GBGT1: variants seen among roughly 807,000 people sequenced by gnomAD.
GBGT1 encodes the protein globoside alpha-1,3-N-acetylgalactosaminyltransferase 1 (FORS blood group).
In GBGT1, 18 loss-of-function variants were observed where a neutral mutation model predicts 20.9. The ratio of observed to expected loss-of-function variants is 0.86; its 90% CI spans 0.60 to 1.28. The LOEUF (loss-of-function observed/expected upper bound fraction) is 1.28, where lower values mean the gene tolerates loss of function less well. Ranked by LOEUF, GBGT1 falls within the 50% of genes most tolerant of loss-of-function variation. GBGT1 has a pLI of 0.00. For synonymous variants in GBGT1, 168 were observed against 180.8 expected (o/e 0.93, Z 0.57); for missense variants, 432 against 455.7 (o/e 0.95, Z 0.47).
rs1832777490 is a variant in GBGT1, at chr9:133,153,685, C to T, written c.936G>A (p.Lys312=). ...NRHFISNKPS[K]VLSPEYLWDD... is the part of the protein sequence containing the mutation. ...CCCAGAGGTACTCGGGGGACAGCAC[C>T]TTGGACGGCTTGTTTGAGATGAAGT... The change falls in exon 7 of 7, where the codon AAG becomes AAA. Residue 312 remains lysine (K), a synonymous_variant. Transcript: ENST00000372040. 2 of 1,613,816 alleles carry T rather than the reference C, an allele frequency of 1.2e-6. No individual in the cohort carries two copies. Among genetic ancestry groups the T allele is most frequent in the Non-Finnish European group, 1.7e-6 (2 of 1,179,896 alleles).
chr9:133,153,708 A>C lies in GBGT1; in HGVS notation c.913T>G (p.Phe305Val), dbSNP rs756144038. 37 of 1,613,700 alleles carry C rather than the reference A, an allele frequency of 2.3e-5. No individual in the cohort carries two copies. In the Middle Eastern group the frequency reaches 4.9e-4, roughly 22 times the overall value. Residue 305 changes from phenylalanine (F) to valine (V), a missense_variant, in exon 7 of 7, where the codon TTC (phenylalanine) becomes GTC (valine). Phe to Val is a conservative substitution (Grantham distance 50). Coordinates refer to ENST00000372040, the MANE Select transcript of GBGT1 (RefSeq NM_021996.6). ...ACCTTGGACGGCTTGTTTGAGATGA[A>C]GTGACGGTTCAGGTGGCTTTCCTCC... ...WREESHLNRH[F>V]ISNKPSKVLS...
In GBGT1 at chr9:133,163,390, G is replaced by A. The variant is rs566625342; in HGVS notation, c.-121+364C>T. On this transcript the variant is annotated intron_variant, in intron 1 of 6. Coordinates refer to ENST00000372040, the MANE Select transcript of GBGT1 (RefSeq NM_021996.6). ...GATGGGGGGCGGCACGCGGCGCCCG[G>A]GGGGAGGACACGCGGGAACGGCTGT... is the stretch of plus-strand genomic sequence containing the variant. 22 of 152,774 alleles carry A rather than the reference G, an allele frequency of 1.4e-4. 1 individual carries two copies. In the East Asian group the frequency reaches 3.9e-3, roughly 27 times the overall value. 9.5% of individuals were successfully genotyped at this position (152,774 alleles called of 1,614,324 possible).
chr9:133,162,433 C>T lies in GBGT1; in HGVS notation c.-21G>A, dbSNP rs776217265. On this transcript the variant is annotated 5_prime_UTR_variant, in exon 2 of 7. Transcript: ENST00000372040. ...TGCATTGCTGGGGGCTGCACCTGAG[C>T]CTGGGCACTTGTAGAGACCCCCACT... 1 of 1,590,578 alleles carries T rather than the reference C, an allele frequency of 6.3e-7. No homozygotes were observed. Among genetic ancestry groups the T allele is most frequent in the Non-Finnish European group, 8.6e-7 (1 of 1,169,566 alleles).
Position 133,153,121 on chromosome 9 carries a change from T to C in GBGT1, c.*456A>G, listed in dbSNP as rs1237881968. On this transcript the variant is annotated 3_prime_UTR_variant, in exon 7 of 7. Transcript: ENST00000372040. ...GCCTGAGTGAGGAATTGGCTACATGTGGTTGGGAGACATCAAAGGACCCAG... is the reference window on the plus strand; with the variant it reads ...GCCTGAGTGAGGAATTGGCTACATGCGGTTGGGAGACATCAAAGGACCCAG... 6.5e-6 allele frequency: 1 copy of C among 153,008 alleles called. No homozygotes were observed. The highest frequency in any genetic ancestry group is 1.5e-5 in the Non-Finnish European group (1 of 68,690). The allele number at this position is 153,008 out of a possible 1,614,324, so 9.5% of individuals were successfully genotyped here.
At position 133,155,192 on chromosome 9, in the gene GBGT1, C is replaced by T. The variant is rs757088187; in HGVS notation, c.345G>A (p.Val115=). ...CCACTACTCACTTCCCCACGGCAAA[C>T]ACCGTGACCCCAATGGTCAGGTTCA... is the stretch of plus-strand genomic sequence containing the variant. ...QPLNLTIGVT[V]FAVGKYTHFI... is the part of the protein sequence containing the mutation. Residue 115 remains valine, a synonymous_variant, in exon 6 of 7, where the codon GTG becomes GTA. Coordinates refer to ENST00000372040, the MANE Select transcript of GBGT1 (RefSeq NM_021996.6). The T allele has an allele frequency of 8.7e-6, 14 of 1,614,060 alleles. No individual in the cohort carries two copies. The highest frequency in any genetic ancestry group is 1.2e-5 in the Non-Finnish European group (14 of 1,179,920).
chr9:133,153,611 G>A lies in GBGT1; in HGVS notation c.1010C>T (p.Thr337Ile). The change falls in exon 7 of 7, where the codon ACA becomes ATA. Residue 337 changes from threonine to isoleucine, a missense_variant. Physicochemically the swap from Thr to Ile is moderately conservative, Grantham distance 89 (BLOSUM62 -1). Coordinates refer to ENST00000372040, the MANE Select transcript of GBGT1 (RefSeq NM_021996.6). ...PPSLKLIRFS[T>I]LDKDISCLRS ...CAGGCAGCTGATATCCTTGTCCAGTGTAGAAAAGCGGATCAGCTTCAGGCT... is the reference window on the plus strand; with the variant it reads ...CAGGCAGCTGATATCCTTGTCCAGTATAGAAAAGCGGATCAGCTTCAGGCT... 1 of 1,584,122 alleles carries A rather than the reference G, an allele frequency of 6.3e-7. No individual in the cohort carries two copies. Among genetic ancestry groups the A allele is most frequent in the Admixed American group, 1.8e-5 (1 of 56,444 alleles).
intron 2 of GBGT1, 104 bp from the exon 3 acceptor site, chr9:133,161,636 T>C (rs1833047915): frequency 1.4e-6 from 1 of 731,464 alleles, no homozygotes; most frequent in Non-Finnish European, 2.3e-6. Context: ...CCACAGTGCA[T>C]TAGGAGGCCA....
At chr9:133,157,383 T>C (rs1832903492) in intron 3 of GBGT1, among the ~76,000 whole-genome samples, 1 of 152,000 alleles carries the variant, frequency 6.6e-6, no homozygotes, top group Non-Finnish European at 1.5e-5. Flanking sequence ...ATCACATAAG[T>C]CAATTTTCCT....
intron 3 of GBGT1, among the ~76,000 whole-genome samples, chr9:133,158,906 C>T (rs35829919): frequency 0.019 from 2,956 of 152,178 alleles, 90 homozygotes; most frequent in African/African-American, 0.068. Context: ...ATGGAAAGTA[C>T]TTCCTATAAG....
chr9:133,161,515 C>G lies in GBGT1; in HGVS notation c.89G>C (p.Trp30Ser). The change falls in exon 3 of 7, where the codon TGG (tryptophan) becomes TCG (serine). Residue 30 changes from tryptophan (W) to serine (S), a missense_variant. Physicochemically the swap from Trp to Ser is radical, Grantham distance 177. Transcript: ENST00000372040. ...ATAGGGGACATAGGAGACTGGCAGC[C>G]AGTTCTCAAGATACACCCTGTGAAT... ...LSVLWVYLEN[W>S]LPVSYVPYYL... 6.2e-7 allele frequency: 1 copy of G among 1,610,206 alleles called. No homozygotes were observed. The highest frequency in any genetic ancestry group is 1.1e-5 in the South Asian group (1 of 90,480).
rs540301542 is a variant in GBGT1, at chr9:133,162,467, C to A, written c.-55G>T. 9.7e-6 allele frequency: 14 copies of A among 1,442,944 alleles called. No homozygotes were observed. In the East Asian group the frequency reaches 2.8e-4, roughly 29 times the overall value. The allele number at this position is 1,442,944 out of a possible 1,614,324, so 89.4% of individuals were successfully genotyped here. Reference sequence around the variant, plus strand: ...TTGTAGAGACCCCCACTGGCCTGGGCGGATGAGGCTGTCCCCTCGCAGGGA... The same window carrying A: ...TTGTAGAGACCCCCACTGGCCTGGGAGGATGAGGCTGTCCCCTCGCAGGGA... On this transcript the variant is annotated 5_prime_UTR_variant, in exon 2 of 7. Coordinates refer to ENST00000372040, the MANE Select transcript of GBGT1 (RefSeq NM_021996.6).
At chr9:133,156,324 G>A (rs1259299403) in intron 3 of GBGT1, among the ~76,000 whole-genome samples, 1 of 152,190 alleles carries the variant, frequency 6.6e-6, no homozygotes, top group African/African-American at 2.4e-5. Flanking sequence ...CAAGGCTGAT[G>A]CTTTTCCAAC....
At chr9:133,155,859 T>C (rs1832854650) in intron 5 of GBGT1, 42 bp downstream of exon 5, 1 of 1,607,482 alleles carries the variant, frequency 6.2e-7, no homozygotes, top group African/African-American at 1.3e-5. Context: ...AGCTCTTTTG[T>C]CCTTTTCCCC....
chr9:133,155,440 A>C, intron 5 of GBGT1, 128 bp from the exon 6 acceptor site: 4 of 1,091,812 alleles, frequency 3.7e-6, no homozygotes, highest in Non-Finnish European at 5.3e-6. Context: ...CCCTTTCCTC[A>C]TATGGAAAGT....
chr9:133,161,152 C>T, intron 3 of GBGT1: 1 of 403,412 alleles, frequency 2.5e-6, no homozygotes. Flanking sequence ...TCACCGGGAG[C>T]AACAGCAGGC....
intron 3 of GBGT1, among the ~76,000 whole-genome samples, chr9:133,158,410 C>T (rs901618120): frequency 1.3e-5 from 2 of 152,170 alleles, no homozygotes; most frequent in Non-Finnish European, 2.9e-5. Context: ...CCCTGAGGAG[C>T]TGAGACCACA....
chr9:133,158,615 G>C (rs1345330219), intron 3 of GBGT1, among the ~76,000 whole-genome samples: 1 of 152,128 alleles, frequency 6.6e-6, no homozygotes, highest in Non-Finnish European at 1.5e-5. Context: ...ATGTATGATG[G>C]GGTGGCTGAA....
intron 3 of GBGT1, among the ~76,000 whole-genome samples, chr9:133,160,648 G>A (rs974240065): frequency 5.3e-5 from 8 of 152,172 alleles, no homozygotes; most frequent in Non-Finnish European, 8.8e-5. Flanking sequence ...CCTAAATCCC[G>A]AGAGCAATTG....
intron 3 of GBGT1, among the ~76,000 whole-genome samples, chr9:133,159,616 C>T (rs1025922029): frequency 6.6e-6 from 1 of 150,526 alleles, no homozygotes; most frequent in South Asian, 2.1e-4. Flanking sequence ...CATAGTGAGA[C>T]CCTGTCTCTA....
Sources: gnomAD v4.1 joint callset for allele counts (sites outside exome capture counted in the v4.1 genomes callset) on GRCh38, gnomAD v4.1.1 for gene constraint, MANE v1.5 for transcripts, NCBI Gene and HGNC (gene_info 2026-07-23, HGNC 2026-07-21) for gene names.